CHAF1A: variants seen among roughly 807,000 people sequenced by gnomAD.
CHAF1A encodes the protein CAF-1 subunit A.
Under a neutral mutation model 93.2 loss-of-function variants are expected in CHAF1A, and 5 were observed. The ratio of observed to expected loss-of-function variants is 0.05; its 90% CI spans 0.03 to 0.11. CHAF1A has a LOEUF of 0.11. Among genes scored for constraint, CHAF1A ranks in the 10% least tolerant of loss-of-function variants. The probability of loss-of-function intolerance (pLI) is 1.00; values close to 1 mark genes in which losing one functional copy is unlikely to be tolerated. For missense variants in CHAF1A, 1,102 were observed against 1,259.9 expected, an observed-to-expected ratio of 0.87 and a Z score of 1.90; for synonymous variants, 504 against 510.3, an observed-to-expected ratio of 0.99 and a Z score of 0.17.
downstream of CHAF1A, chr19:4,447,608 T>C (rs1974563177): frequency 2.5e-6 from 4 of 1,613,816 alleles, no homozygotes; most frequent in Non-Finnish European, 3.4e-6. Context: ...GGGGTGCAGG[T>C]GGATGTTGTC....
At position 4,432,057 on chromosome 19, in the gene CHAF1A, A is replaced by G; in HGVS notation, c.2053A>G (p.Lys685Glu). 6.2e-7 allele frequency: 1 copy of G among 1,613,986 alleles called. No individual in the cohort carries two copies. The highest frequency in any genetic ancestry group is 1.1e-5 in the South Asian group (1 of 91,064). The change falls in exon 12 of 15, where the codon AAG becomes GAG. Residue 685 changes from lysine (K) to glutamate (E), a missense_variant. By Grantham distance (56) the Lys-to-Glu change is moderately conservative. Around this residue, in one of 6 missense-constraint regions of CHAF1A, gnomAD observed 335 missense variants for 361.9 expected, o/e 0.93. Coordinates refer to ENST00000301280, the MANE Select transcript of CHAF1A (RefSeq NM_005483.3). Reference sequence around the variant, plus strand: ...GCGCTTTCGCGTCCTGCAACCTGTGAAGATCGGCTGCGTGTGGGCGGCTGA... The same window carrying G: ...GCGCTTTCGCGTCCTGCAACCTGTGGAGATCGGCTGCGTGTGGGCGGCTGA... ...GKRFRVLQPV[K>E]IGCVWAADRD...
intron 10 of CHAF1A, 98 bp downstream of exon 10, chr19:4,429,886 T>A (rs1974150200): frequency 9.6e-7 from 1 of 1,040,868 alleles, no homozygotes; most frequent in Non-Finnish European, 1.4e-6. Context: ...CTGTGTTCAC[T>A]CACTGACAGC....
At chr19:4,437,977 G>A (rs1974316858) in intron 13 of CHAF1A, among the ~76,000 whole-genome samples, 1 of 152,092 alleles carries the variant, frequency 6.6e-6, no homozygotes, top group African/African-American at 2.4e-5. Flanking sequence ...TCCTGACCTT[G>A]TGATCTGCCC....
At chr19:4,406,237 T>A (rs1973677322) in intron 2 of CHAF1A, among the ~76,000 whole-genome samples, 1 of 152,142 alleles carries the variant, frequency 6.6e-6, no homozygotes, top group Admixed American at 6.5e-5. Flanking sequence ...CCTGGCCTCT[T>A]CCCACCGGAT....
chr19:4,416,926 G>C (rs1230529979), intron 3 of CHAF1A, among the ~76,000 whole-genome samples: 1 of 152,006 alleles, frequency 6.6e-6, no homozygotes, highest in Non-Finnish European at 1.5e-5. Context: ...AAGCAGAGTT[G>C]AGCTAGACAG....
downstream of CHAF1A, chr19:4,447,460 CCCACCGCCTGGTGTGGGCCA>C: frequency 7.0e-7 from 1 of 1,436,798 alleles, no homozygotes; most frequent in Non-Finnish European, 9.8e-7. Context: ...CTCCAGGGAG[CCCACCGCCTGGTGTGGGCCA>C]CCACCGGCTC....
At chr19:4,415,121 G>C (rs988350517) in intron 3 of CHAF1A, among the ~76,000 whole-genome samples, 4 of 152,046 alleles carry the variant, frequency 2.6e-5, no homozygotes, top group Non-Finnish European at 5.9e-5. Context: ...GGCAGTTGAG[G>C]GTGCTGTCTG....
Position 4,428,645 on chromosome 19 carries a change from G to A in CHAF1A, c.1378-19G>A. ...CTCCCATTGCTCGAAGACCCCATCG[G>A]GTCTCTTCTTGATTTCAGACCCTGG... On this transcript the variant is annotated intron_variant, in intron 7 of 14. Coordinates refer to ENST00000301280, the MANE Select transcript of CHAF1A (RefSeq NM_005483.3). 6.2e-7 allele frequency: 1 copy of A among 1,606,412 alleles called. No individual in the cohort carries two copies. The highest frequency in any genetic ancestry group is 1.1e-5 in the South Asian group (1 of 90,910).
intron 10 of CHAF1A, 49 bp downstream of exon 10, chr19:4,429,837 G>A (rs757990586): frequency 6.6e-7 from 1 of 1,520,366 alleles, no homozygotes; most frequent in African/African-American, 1.4e-5. Flanking sequence ...TTGTGTTTGA[G>A]TCTCTGTCCC....
chr19:4,448,444 T>C, downstream of CHAF1A: 1 of 1,573,556 alleles, frequency 6.4e-7, no homozygotes, highest in Non-Finnish European at 8.6e-7. Context: ...GGAAAGCCAC[T>C]CACTGAGAGC....
intron 13 of CHAF1A, among the ~76,000 whole-genome samples, chr19:4,437,982 C>G (rs986541868): frequency 5.9e-5 from 9 of 152,138 alleles, no homozygotes; most frequent in Non-Finnish European, 1.3e-4. Flanking sequence ...ACCTTGTGAT[C>G]TGCCCGCCTC....
chr19:4,422,874 C>T lies in CHAF1A; in HGVS notation c.1247+79C>T. 1 of 1,331,236 alleles carries T rather than the reference C, an allele frequency of 7.5e-7. No individual in the cohort carries two copies. The highest frequency in any genetic ancestry group is 1.1e-6 in the Non-Finnish European group (1 of 946,578). The allele number at this position is 1,331,236 out of a possible 1,614,324, so 82.5% of individuals were successfully genotyped here. On this transcript the variant is annotated intron_variant, in intron 5 of 14. Transcript: ENST00000301280. This position sits in a 1 kb window ranked among gnomAD's most constrained non-coding sequence, Gnocchi z 4.6. ...TCCTGGCCACTCTGATGGGGCCTTT[C>T]CACTTCACAGGCAGATGGCGGCTCC...
chr19:4,438,372 T>C (rs1444763922), intron 13 of CHAF1A, among the ~76,000 whole-genome samples: 1 of 151,964 alleles, frequency 6.6e-6, no homozygotes, highest in Non-Finnish European at 1.5e-5. Flanking sequence ...TTGTTTTGTT[T>C]TGTTTTGTAG....
intron 3 of CHAF1A, among the ~76,000 whole-genome samples, chr19:4,417,507 C>G (rs1023361680): frequency 2.2e-5 from 3 of 139,142 alleles, no homozygotes; most frequent in African/African-American, 5.2e-5. Flanking sequence ...GTTGCCCAGG[C>G]AGGAGTATGG....
Position 4,439,292 on chromosome 19 carries a change from A to C in CHAF1A, c.2674-2953A>C, listed in dbSNP as rs530901042. 2.0e-5 allele frequency among the ~76,000 whole-genome samples: 3 copies of C among 152,182 alleles called. No homozygotes were observed. In the East Asian group the frequency reaches 5.8e-4, roughly 29 times the overall value. On this transcript the variant is annotated intron_variant, in intron 13 of 14. Transcript: ENST00000301280. ...CAAGTCTGCGTCTCAGAAAAAAAAA[A>C]AAAAGACAAAAAGGCACAAATGTTA...
In CHAF1A at chr19:4,429,605, C is replaced by T. The variant is rs1413159957; in HGVS notation, c.1772C>T (p.Thr591Met). The change falls in exon 9 of 15, where the codon ACG (threonine) becomes ATG (methionine). Residue 591 changes from threonine (T) to methionine (M), a missense_variant and splice_region_variant. By Grantham distance (81) the Thr-to-Met change is moderately conservative. Transcript: ENST00000301280. ...IRARDPWAQD[T>M]KLLDYEVDSD... ...GCGCGAGACCCCTGGGCCCAGGACACGGTGAGCTAGCCCCAGAGTGCCTCC... is the reference window on the plus strand; with the variant it reads ...GCGCGAGACCCCTGGGCCCAGGACATGGTGAGCTAGCCCCAGAGTGCCTCC... 27 of 1,614,012 alleles carry T rather than the reference C, an allele frequency of 1.7e-5. No homozygotes were observed. The highest frequency in any genetic ancestry group is 6.6e-5 in the South Asian group (6 of 91,088).
At chr19:4,429,850 A>G in intron 10 of CHAF1A, 62 bp downstream of exon 10, 2 of 1,424,620 alleles carry the variant, frequency 1.4e-6, no homozygotes, top group Non-Finnish European at 1.9e-6. Context: ...TCTGTCCCAC[A>G]GTGAGGGGCT....
At chr19:4,432,647 C>T (rs1333503406) in intron 12 of CHAF1A, among the ~76,000 whole-genome samples, 1 of 151,848 alleles carries the variant, frequency 6.6e-6, no homozygotes, top group Non-Finnish European at 1.5e-5. Context: ...GTGATCCCAG[C>T]TACTCAAGAG....
At chr19:4,414,412 C>G (rs12979042) in intron 3 of CHAF1A, among the ~76,000 whole-genome samples, 1 of 140,274 alleles carries the variant, frequency 7.1e-6, no homozygotes, top group Non-Finnish European at 1.6e-5. Context: ...AAAAAAAAAA[C>G]AAAAAGGAAA....
Sources: gnomAD v4.1 joint callset for allele counts (sites outside exome capture counted in the v4.1 genomes callset) on GRCh38, gnomAD v4.1.1 for gene constraint, gnomAD v4.1.1 regional missense constraint, Gnocchi (gnomAD v3.1) non-coding constraint, MANE v1.5 for transcripts, NCBI Gene and HGNC (gene_info 2026-07-23, HGNC 2026-07-21) for gene names.